MYH11: variants seen among roughly 807,000 people sequenced by gnomAD.
The protein encoded by MYH11 is myosin heavy chain 11.
A neutral mutation model predicts 246.6 loss-of-function variants in MYH11; 80 were observed. The ratio of observed to expected loss-of-function variants is 0.32; its 90% CI spans 0.27 to 0.39. The LOEUF (loss-of-function observed/expected upper bound fraction) is 0.39, where lower values mean the gene tolerates loss of function less well. Among genes scored for constraint, MYH11 ranks in the 10% least tolerant of loss-of-function variants. The pLI is 1.00. For missense variants in MYH11, 2,158 were observed against 2,546.8 expected (o/e 0.85, Z 3.29); for synonymous variants, 1,071 against 1,015.5 (o/e 1.05, Z -1.04).
At chr16:15,741,985 G>A in intron 20 of MYH11, 94 bp from the exon 21 acceptor site, 1 of 1,545,304 alleles carries the variant, frequency 6.5e-7, no homozygotes, top group Admixed American at 1.9e-5. Flanking sequence ...CAGGGACAAT[G>A]TTGCCCCCAC....
chr16:15,810,064 G>A (rs1412833071), intron 3 of MYH11, among the ~76,000 whole-genome samples: 2 of 151,306 alleles, frequency 1.3e-5, no homozygotes, highest in East Asian at 2.0e-4. Context: ...ACGGAGTTTT[G>A]CTCTTGTTGC....
chr16:15,754,893 C>T (rs777426905), intron 14 of MYH11, among the ~76,000 whole-genome samples: 1 of 152,236 alleles, frequency 6.6e-6, no homozygotes, highest in East Asian at 1.9e-4. Flanking sequence ...GCCATGTTGG[C>T]CAGGCTGGTC....
intron 36 of MYH11, 159 bp downstream of exon 36, chr16:15,719,061 G>C: frequency 1.4e-6 from 1 of 707,520 alleles, no homozygotes; most frequent in Non-Finnish European, 2.5e-6. Context: ...CTGGGAGGTG[G>C]AGGTTGCAGT....
chr16:15,816,887 T>C (rs2043275967), intron 3 of MYH11, among the ~76,000 whole-genome samples: 1 of 151,960 alleles, frequency 6.6e-6, no homozygotes, highest in South Asian at 2.1e-4. Flanking sequence ...CTCTAAGCCG[T>C]CTGCATGAAT....
chr16:15,802,981 C>CA (rs1323969188), intron 3 of MYH11, among the ~76,000 whole-genome samples: 1 of 151,640 alleles, frequency 6.6e-6, no homozygotes, highest in Non-Finnish European at 1.5e-5. Flanking sequence ...ACTAAAAATA[C>CA]AAAAAATTAG....
At chr16:15,813,111 G>T (rs2151341179) in intron 3 of MYH11, among the ~76,000 whole-genome samples, 1 of 152,306 alleles carries the variant, frequency 6.6e-6, no homozygotes, top group Middle Eastern at 3.4e-3. Context: ...AGGTTGCAGT[G>T]AGCTGAGATC....
At chr16:15,709,441 A>C (rs2039656039) in intron 40 of MYH11, among the ~76,000 whole-genome samples, 1 of 151,828 alleles carries the variant, frequency 6.6e-6, no homozygotes, top group Non-Finnish European at 1.5e-5. Flanking sequence ...CAGCCTCCCG[A>C]GTAGCTGGGA....
At position 15,821,152 on chromosome 16, in the gene MYH11, G is replaced by A. The variant is rs115655369; in HGVS notation, c.502+2103C>T. On this transcript the variant is annotated intron_variant, in intron 3 of 40. Coordinates refer to ENST00000300036, the MANE Select transcript of MYH11 (RefSeq NM_002474.3). Reference sequence around the variant, plus strand: ...TTCCCAAAGTGCCAGGATTACAGGCGTGAGCCACTGTGCCTGGCCTGCAAT... The same window carrying A: ...TTCCCAAAGTGCCAGGATTACAGGCATGAGCCACTGTGCCTGGCCTGCAAT... Among the ~76,000 whole-genome samples, 181 of 152,348 alleles carry A rather than the reference G, an allele frequency of 1.2e-3. 1 individual carries two copies. The highest frequency in any genetic ancestry group is 4.2e-3 in the African/African-American group (174 of 41,578).
chr16:15,725,146 A>AC, intron 28 of MYH11, 154 bp from the exon 29 acceptor site: 1 of 661,156 alleles, frequency 1.5e-6, no homozygotes, highest in Admixed American at 2.7e-5. Flanking sequence ...AAAAAAAAAA[A>AC]AAACACACAC....
Position 15,835,066 on chromosome 16 carries a change from G to T in MYH11, c.345+2842C>A, listed in dbSNP as rs2043856335. 2.8e-5 allele frequency among the ~76,000 whole-genome samples: 4 copies of T among 142,120 alleles called. No individual in the cohort carries two copies. The South Asian group carries it at 9.2e-4, about 33-fold the overall frequency. The allele number at this position is 142,120 out of a possible 152,430, so 93.2% of individuals were successfully genotyped here. Reference sequence around the variant, plus strand: ...ACTGCACTCCAGCCTCAAAGACAGAGTAAGCCCCCATCTCAAAAAAAAAAA... The same window carrying T: ...ACTGCACTCCAGCCTCAAAGACAGATTAAGCCCCCATCTCAAAAAAAAAAA... On this transcript the variant is annotated intron_variant, in intron 2 of 40. Coordinates refer to ENST00000300036, the MANE Select transcript of MYH11 (RefSeq NM_002474.3).
At chr16:15,837,208 T>C (rs1017763892) in intron 2 of MYH11, among the ~76,000 whole-genome samples, 1 of 152,112 alleles carries the variant, frequency 6.6e-6, no homozygotes, top group South Asian at 2.1e-4. Context: ...CATCCTCATG[T>C]CTCCTACCCA....
At chr16:15,777,097 GCACACATA>G (rs2042238707) in intron 7 of MYH11, among the ~76,000 whole-genome samples, 1 of 145,436 alleles carries the variant, frequency 6.9e-6, no homozygotes, top group Non-Finnish European at 1.5e-5. Context: ...GTATACACAC[GCACACATA>G]CACACACACA....
intron 40 of MYH11, among the ~76,000 whole-genome samples, 162 bp from the exon 41 acceptor site, chr16:15,704,285 G>GT: frequency 6.6e-6 from 1 of 152,092 alleles, no homozygotes; most frequent in Non-Finnish European, 1.5e-5. Flanking sequence ...AGATATTCAA[G>GT]TTGAAGTCAA....
At chr16:15,829,510 T>C (rs2043670535) in intron 2 of MYH11, among the ~76,000 whole-genome samples, 1 of 152,174 alleles carries the variant, frequency 6.6e-6, no homozygotes, top group African/African-American at 2.4e-5. Flanking sequence ...CAGCCACTTC[T>C]CCTTCACCTC....
chr16:15,716,082 C>CA (rs1209305333), intron 38 of MYH11, among the ~76,000 whole-genome samples: 1 of 152,088 alleles, frequency 6.6e-6, no homozygotes, highest in Admixed American at 6.6e-5. Context: ...GCCTGGGAAA[C>CA]AGAGTGAGAC....
intron 20 of MYH11, among the ~76,000 whole-genome samples, chr16:15,743,718 T>C (rs117996401): frequency 2.0e-5 from 3 of 152,318 alleles, no homozygotes; most frequent in Non-Finnish European, 4.4e-5. Context: ...GGCTAGAATA[T>C]TCATGGAGGT....
In MYH11 at chr16:15,798,619, A is replaced by C. The variant is rs373361662; in HGVS notation, c.530+41T>G. 3.6e-4 allele frequency: 546 copies of C among 1,499,406 alleles called. 1 individual carries two copies. Among genetic ancestry groups the C allele is most frequent in the Admixed American group, 9.2e-4 (46 of 49,824 alleles). The allele number at this position is 1,499,406 out of a possible 1,614,324, so 92.9% of individuals were successfully genotyped here. The stretch of plus-strand genomic sequence containing the variant: ...TCTCGACTACAGATTAAAAAAAAAA[A>C]AAAACAAAAAAAAAACAGAAGAAAA... On this transcript the variant is annotated intron_variant, in intron 4 of 40. Coordinates refer to ENST00000300036, the MANE Select transcript of MYH11 (RefSeq NM_002474.3).
At chr16:15,708,788 C>T (rs376349256) in intron 40 of MYH11, 2 of 1,604,624 alleles carry the variant, frequency 1.2e-6, no homozygotes, top group Non-Finnish European at 1.7e-6. Flanking sequence ...AGCTGCGAAG[C>T]TGAAGGCATG....
chr16:15,783,164 G>A (rs1426712754), intron 5 of MYH11: 1 of 152,572 alleles, frequency 6.6e-6, no homozygotes, highest in Non-Finnish European at 1.5e-5. Flanking sequence ...GCGGTCACGT[G>A]ATTAATCATG....
Sources: allele counts gnomAD v4.1 joint callset (sites outside exome capture counted in the v4.1 genomes callset), GRCh38; gene constraint gnomAD v4.1.1; transcripts MANE v1.5; gene names NCBI Gene and HGNC (gene_info 2026-07-23, HGNC 2026-07-21).